The following BIN1 variants were observed in gnomAD, a reference collection of about 807,000 sequenced individuals.
The protein encoded by BIN1 is myc box-dependent-interacting protein 1.
Under a neutral mutation model 82.0 loss-of-function variants are expected in BIN1, and 53 were observed. That is an observed-to-expected ratio of 0.65 (90% CI 0.52 to 0.81). The LOEUF (loss-of-function observed/expected upper bound fraction) is 0.81. BIN1 is among the 40% of genes least tolerant of loss of function. BIN1 has a pLI of 0.00. For missense variants in BIN1, 642 were observed against 784.4 expected, an observed-to-expected ratio of 0.82 and a Z score of 2.17; for synonymous variants, 302 against 328.0, an observed-to-expected ratio of 0.92 and a Z score of 0.86.
At chr2:127,073,821 A>G (rs376599135) in intron 2 of BIN1, among the ~76,000 whole-genome samples, 1 of 152,304 alleles carries the variant, frequency 6.6e-6, no homozygotes, top group South Asian at 2.1e-4. Flanking sequence ...AAGAGCTGGG[A>G]TGCCCTGGAG....
intron 10 of BIN1, chr2:127,060,674 T>C (rs1165776243): frequency 1.9e-6 from 3 of 1,613,532 alleles, no homozygotes. Context: ...AGGCCTTCAT[T>C]CTGGAGAAAG....
At chr2:127,086,096 T>C (rs10167997) in intron 1 of BIN1, among the ~76,000 whole-genome samples, 3,848 of 152,162 alleles carry the variant, frequency 0.025, 184 homozygotes, top group African/African-American at 0.088. Flanking sequence ...TTGAACCCCC[T>C]CCCGTTGGGT....
intron 1 of BIN1, among the ~76,000 whole-genome samples, chr2:127,077,319 CACACACACA>C (rs1323616488): frequency 4.0e-5 from 4 of 100,024 alleles, no homozygotes; most frequent in African/African-American, 8.5e-5. Context: ...GCACAGCCCA[CACACACACA>C]CACACACACA....
chr2:127,081,858 C>A, intron 1 of BIN1: 1 of 1,287,596 alleles, frequency 7.8e-7, no homozygotes, highest in Non-Finnish European at 1.0e-6. Context: ...TCCCCACCTG[C>A]CTGCACAGGA....
intron 1 of BIN1, among the ~76,000 whole-genome samples, chr2:127,103,563 T>A (rs754402926): frequency 2.3e-4 from 35 of 152,088 alleles, no homozygotes; most frequent in Non-Finnish European, 4.3e-4. Flanking sequence ...AGAGCCTTCC[T>A]CCTGTGCTCA....
chr2:127,077,403 C>T (rs1312781564), intron 1 of BIN1, among the ~76,000 whole-genome samples: 1 of 152,216 alleles, frequency 6.6e-6, no homozygotes, highest in African/African-American at 2.4e-5. Context: ...CAGAGGTGGA[C>T]TCCCCCTCAA....
At chr2:127,091,690 A>G (rs1573771249) in intron 1 of BIN1, among the ~76,000 whole-genome samples, 2 of 151,896 alleles carry the variant, frequency 1.3e-5, no homozygotes, top group African/African-American at 4.8e-5. Context: ...GGAGTTCAAG[A>G]CCAGCCTGGG....
At chr2:127,075,223 A>AGGG (rs2105126013) in intron 2 of BIN1, among the ~76,000 whole-genome samples, 1 of 152,176 alleles carries the variant, frequency 6.6e-6, no homozygotes, top group South Asian at 2.1e-4. Context: ...CTGCAAAATG[A>AGGG]GAATATCAGC....
rs1292748182 is a variant in BIN1 at position 127,070,597 on chromosome 2, C to T, written c.271G>A (p.Glu91Lys). 5.6e-6 allele frequency: 9 copies of T among 1,614,144 alleles called. No individual in the cohort carries two copies. The East Asian group carries it at 1.8e-4, about 32-fold the overall frequency. Residue 91 changes from glutamate to lysine, a missense_variant, in exon 4 of 19, where the codon GAG becomes AAG. Physicochemically the swap from Glu to Lys is moderately conservative, Grantham distance 56. Transcript: ENST00000316724. ...KLNECLQEVY[E>K]PDWPGRDEAN... Reference sequence around the variant, plus strand: ...TCATCCCTGCCGGGCCAATCGGGCTCATACACCTCCTGCAGACACTCATTC... The same window carrying T: ...TCATCCCTGCCGGGCCAATCGGGCTTATACACCTCCTGCAGACACTCATTC...
Position 127,059,953 on chromosome 2 carries a change from C to G in BIN1, c.858-798G>C, listed in dbSNP as rs1684224439. Among the ~76,000 whole-genome samples, 1 of 152,174 alleles carries G rather than the reference C, an allele frequency of 6.6e-6. No homozygotes were observed. On this transcript the variant is annotated intron_variant, in intron 10 of 18. Coordinates refer to ENST00000316724, the MANE Select transcript of BIN1 (RefSeq NM_139343.3). This position sits in a 1 kb window ranked among gnomAD's most constrained non-coding sequence, Gnocchi z 6.7. ...CTAGCCACAGGCGGCAATGCAAACTCAAAGCAATGAAATTTACGTGTAATT... is the reference window on the plus strand; with the variant it reads ...CTAGCCACAGGCGGCAATGCAAACTGAAAGCAATGAAATTTACGTGTAATT...
intron 2 of BIN1, among the ~76,000 whole-genome samples, chr2:127,072,141 G>T (rs887815700): frequency 2.0e-5 from 3 of 152,252 alleles, no homozygotes; most frequent in Admixed American, 2.0e-4. Context: ...AGTCTGGCCA[G>T]CTTCATGCTT....
At chr2:127,084,890 C>A (rs545998749) in intron 1 of BIN1, among the ~76,000 whole-genome samples, 1 of 152,358 alleles carries the variant, frequency 6.6e-6, no homozygotes, top group South Asian at 2.1e-4. Flanking sequence ...GGGCAGCTTC[C>A]TGGTCTCATC....
In BIN1 at chr2:127,057,538, C is replaced by A; in HGVS notation, c.1066G>T (p.Glu356Ter). 6.5e-7 allele frequency: 1 copy of A among 1,545,550 alleles called. No individual in the cohort carries two copies. Among genetic ancestry groups the A allele is most frequent in the South Asian group, 1.2e-5 (1 of 83,478 alleles). Residue 356 changes from glutamate to a stop codon, truncating the protein, a stop_gained, in exon 12 of 19, where the codon GAG becomes TAG. Coordinates refer to ENST00000316724, the MANE Select transcript of BIN1 (RefSeq NM_139343.3). LOFTEE classifies it high-confidence loss of function. This position sits in a 1 kb window ranked among gnomAD's most constrained non-coding sequence, Gnocchi z 5.0. Reference protein sequence around the residue: ...KHTPSKEVKQEQILSLFEDTF... With the variant: ...KHTPSKEVKQ ...TCCTCAAACAGGCTGAGGATCTGCT[C>A]CTGCTTGACTTCCTTGGACGGGGTG...
chr2:127,072,502 G>A (rs942136664), intron 2 of BIN1, among the ~76,000 whole-genome samples: 4 of 152,110 alleles, frequency 2.6e-5, no homozygotes, highest in African/African-American at 9.7e-5. Flanking sequence ...GTAGTGATGC[G>A]GCCCTGAGAA....
Position 127,107,016 on chromosome 2 carries a change from C to T in BIN1, c.-73G>A. 1 of 1,441,382 alleles carries T rather than the reference C, an allele frequency of 6.9e-7. No individual in the cohort carries two copies. The highest frequency in any genetic ancestry group is 2.6e-5 in the Admixed American group (1 of 37,896). The allele number at this position is 1,441,382 out of a possible 1,614,324, so 89.3% of individuals were successfully genotyped here. A position where few individuals can be genotyped will look rare whatever the true frequency, so the allele number is the denominator to read the frequency against. On this transcript the variant is annotated 5_prime_UTR_variant, in exon 1 of 19. Transcript: ENST00000316724. This position sits in a 1 kb window ranked among gnomAD's most constrained non-coding sequence, Gnocchi z 5.9. ...GATCTTGCGCGCCGCGCTCCCAGCC[C>T]CCAGCCCCGGCCGCGCGTCCAGACC...
At position 127,070,582 on chromosome 2, in the gene BIN1, C is replaced by T. The variant is rs769724273; in HGVS notation, c.286G>A (p.Gly96Ser). 3.1e-5 allele frequency: 50 copies of T among 1,613,962 alleles called. No individual in the cohort carries two copies. In the Admixed American group the frequency reaches 5.8e-4, roughly 19 times the overall value. ...GCGATCTTGTTTGCCTCATCCCTGC[C>T]GGGCCAATCGGGCTCATACACCTCC... is the stretch of plus-strand genomic sequence containing the variant. ...LQEVYEPDWP[G>S]RDEANKIAEN... The change falls in exon 4 of 19, where the codon GGC becomes AGC. Residue 96 changes from glycine (G) to serine (S), a missense_variant. Transcript: ENST00000316724.
At chr2:127,101,002 G>GGGGGGC (rs1251905653) in intron 1 of BIN1, among the ~76,000 whole-genome samples, 1 of 139,554 alleles carries the variant, frequency 7.2e-6, no homozygotes, top group South Asian at 2.5e-4. Flanking sequence ...GAATGTGCGG[G>GGGGGGC]GGGTGGGGAT....
At chr2:127,070,114 G>C in intron 4 of BIN1, 24 bp from the exon 5 acceptor site, 1 of 1,608,042 alleles carries the variant, frequency 6.2e-7, no homozygotes, top group South Asian at 1.1e-5. Flanking sequence ...GAGCACGACA[G>C]TGCCACCAGG....
Position 127,053,360 on chromosome 2 carries a change from C to CT in BIN1, c.1263+61dup, listed in dbSNP as rs1317818309. ...GTGAACAGGCTAGGAGCATGTGGGCCTGGACACATACGGAAGAGTGGCTCC... is the reference window on the plus strand; with the variant it reads ...GTGAACAGGCTAGGAGCATGTGGGCCTTGGACACATACGGAAGAGTGGCTCC... On this transcript the variant is annotated intron_variant, in intron 14 of 18. Transcript: ENST00000316724. 6 of 1,604,274 alleles carry CT rather than the reference C, an allele frequency of 3.7e-6. No individual in the cohort carries two copies. In the African/African-American group the frequency reaches 8.0e-5, roughly 21 times the overall value.
Sources: allele counts gnomAD v4.1 joint callset (sites outside exome capture counted in the v4.1 genomes callset), GRCh38; gene constraint gnomAD v4.1.1; non-coding constraint Gnocchi (gnomAD v3.1); transcripts MANE v1.5; gene names NCBI Gene and HGNC (gene_info 2026-07-23, HGNC 2026-07-21).